CADM2: variants seen among roughly 807,000 people sequenced by gnomAD.
CADM2 encodes immunoglobulin superfamily member 4D.
Under a neutral mutation model 49.8 loss-of-function variants are expected in CADM2, and 12 were observed. The ratio of observed to expected loss-of-function variants is 0.24; its 90% CI spans 0.15 to 0.39. The LOEUF is 0.39. CADM2 is among the 10% of genes least tolerant of loss of function. The pLI is 1.00. For synonymous variants in CADM2, 214 were observed against 175.4 expected, an observed-to-expected ratio of 1.22 and a Z score of -1.74; for missense variants, 378 against 492.3, an observed-to-expected ratio of 0.77 and a Z score of 2.20.
intron 2 of CADM2, among the ~76,000 whole-genome samples, chr3:85,749,894 T>C (rs1350290339): frequency 1.3e-5 from 2 of 152,060 alleles, no homozygotes; most frequent in African/African-American, 4.8e-5. Flanking sequence ...TTTGTTGTTA[T>C]TGTTGCTATT....
chr3:85,896,537 T>C (rs1715236778), intron 5 of CADM2, among the ~76,000 whole-genome samples: 1 of 152,224 alleles, frequency 6.6e-6, no homozygotes, highest in East Asian at 1.9e-4. Context: ...TTATGCTGTG[T>C]ACACCTGGTT....
At chr3:86,014,398 T>G in intron 8 of CADM2, 2 of 1,476,242 alleles carry the variant, frequency 1.4e-6, no homozygotes, top group Non-Finnish European at 1.8e-6. Flanking sequence ...CTGCATTTAC[T>G]CAACGAAGTG....
intron 1 of CADM2, among the ~76,000 whole-genome samples, chr3:85,042,241 G>A (rs2035470404): frequency 6.6e-6 from 1 of 152,130 alleles, no homozygotes; most frequent in African/African-American, 2.4e-5. Context: ...CTTTCTTTTT[G>A]AGAACAACAG....
intron 1 of CADM2, among the ~76,000 whole-genome samples, chr3:85,149,889 G>A (rs2039869385): frequency 6.6e-6 from 1 of 152,094 alleles, no homozygotes; most frequent in Admixed American, 6.5e-5. Context: ...CTATATCCTA[G>A]AATCACAATT....
chr3:85,505,021 G>T (rs1340720345), intron 1 of CADM2, among the ~76,000 whole-genome samples: 3 of 152,110 alleles, frequency 2.0e-5, no homozygotes, highest in Admixed American at 1.3e-4. Context: ...TGGCCCGGAA[G>T]CGCCGCGCGC....
intron 7 of CADM2, among the ~76,000 whole-genome samples, chr3:85,949,121 C>T (rs930747537): frequency 6.6e-5 from 10 of 151,460 alleles, no homozygotes; most frequent in Non-Finnish European, 1.2e-4. Flanking sequence ...AGCACTCTCA[C>T]TGTGAGTCAC....
At chr3:85,800,433 C>A (rs185307719) in intron 2 of CADM2, 7 of 149,512 alleles carry the variant, frequency 4.7e-5, no homozygotes, top group Non-Finnish European at 7.1e-5. Flanking sequence ...ACTGGGATAC[C>A]AAAAACAAAC....
intron 1 of CADM2, among the ~76,000 whole-genome samples, chr3:85,339,202 A>G (rs1576375045): frequency 6.6e-6 from 1 of 151,574 alleles, no homozygotes; most frequent in East Asian, 1.9e-4. Context: ...CACATAGTAA[A>G]TATGCACCAG....
chr3:85,203,882 G>A (rs2041568814), intron 1 of CADM2, among the ~76,000 whole-genome samples: 1 of 151,886 alleles, frequency 6.6e-6, no homozygotes, highest in Admixed American at 6.6e-5. Flanking sequence ...ATCTTTTATT[G>A]CCCATTTAAA....
chr3:86,029,188 T>C (rs1222313639), intron 8 of CADM2, among the ~76,000 whole-genome samples: 2 of 152,138 alleles, frequency 1.3e-5, no homozygotes, highest in Non-Finnish European at 2.9e-5. Flanking sequence ...TGCTGGGCAA[T>C]TGAAAGCTAT....
At chr3:85,697,584 A>G (rs144054861) in intron 1 of CADM2, among the ~76,000 whole-genome samples, 2,091 of 152,282 alleles carry the variant, frequency 0.014, 23 homozygotes, top group Non-Finnish European at 0.019. Flanking sequence ...TATAAACTGT[A>G]TGATTCTGGA....
chr3:85,621,213 T>G (rs2063966961), intron 1 of CADM2, among the ~76,000 whole-genome samples: 1 of 148,832 alleles, frequency 6.7e-6, no homozygotes, highest in African/African-American at 2.6e-5. Context: ...TCAGAAACTA[T>G]GTCTTAACAT....
chr3:85,349,690 T>A (rs1195471455), intron 1 of CADM2, among the ~76,000 whole-genome samples: 2 of 152,148 alleles, frequency 1.3e-5, no homozygotes, highest in Non-Finnish European at 2.9e-5. Flanking sequence ...ACAGAAACTG[T>A]TGATAAGAGA....
intron 1 of CADM2, among the ~76,000 whole-genome samples, chr3:85,586,595 C>T (rs2107320734): frequency 6.6e-6 from 1 of 151,942 alleles, no homozygotes; most frequent in South Asian, 2.1e-4. Flanking sequence ...TCTTGGGAGC[C>T]CAAATATCAG....
At chr3:85,688,330 G>A (rs1360517220) in intron 1 of CADM2, among the ~76,000 whole-genome samples, 3 of 152,072 alleles carry the variant, frequency 2.0e-5, no homozygotes, top group Admixed American at 1.3e-4. Context: ...AAGATACATG[G>A]ATGGCAAAGA....
In CADM2 at chr3:85,924,307, T is replaced by A. The variant is rs140826621; in HGVS notation, c.701-11460T>A. On this transcript the variant is annotated intron_variant, in intron 6 of 9. Coordinates refer to ENST00000383699, the MANE Select transcript of CADM2 (RefSeq NM_001167675.2). ...TAGAGTCAACAGTTATAAAAATGTA[T>A]GGACTGGCACAGTGGTTCACGCTTG... Among the ~76,000 whole-genome samples, 6 of 152,046 alleles carry A rather than the reference T, an allele frequency of 3.9e-5. No homozygotes were observed. In the East Asian group the frequency reaches 9.7e-4, roughly 24 times the overall value.
intron 1 of CADM2, among the ~76,000 whole-genome samples, chr3:85,526,080 G>A (rs1559886687): frequency 6.6e-6 from 1 of 152,022 alleles, no homozygotes; most frequent in Non-Finnish European, 1.5e-5. Context: ...CACCTCGTGA[G>A]TCAGCCAGGC....
intron 5 of CADM2, among the ~76,000 whole-genome samples, chr3:85,893,682 T>C (rs566919719): frequency 6.6e-4 from 101 of 151,908 alleles, no homozygotes; most frequent in African/African-American, 2.3e-3. Flanking sequence ...AAAAAGTGGG[T>C]GAAGGATATG....
At chr3:85,497,099 C>T (rs2039938257) in intron 1 of CADM2, among the ~76,000 whole-genome samples, 1 of 152,136 alleles carries the variant, frequency 6.6e-6, no homozygotes, top group Admixed American at 6.6e-5. Context: ...CCTGTTTTGG[C>T]CTCCGAAGTG....
Sources: gnomAD v4.1 joint callset for allele counts (sites outside exome capture counted in the v4.1 genomes callset) on GRCh38, gnomAD v4.1.1 for gene constraint, MANE v1.5 for transcripts, NCBI Gene and HGNC (gene_info 2026-07-23, HGNC 2026-07-21) for gene names.